The following PRKG1 variants were observed in gnomAD, a reference collection of about 807,000 sequenced individuals.
PRKG1 encodes protein kinase cGMP-dependent 1, also known as cGMP-dependent protein kinase 1.
In PRKG1, 35 loss-of-function variants were observed where a neutral mutation model predicts 88.1. The ratio of observed to expected loss-of-function variants is 0.40; its 90% CI spans 0.30 to 0.53. PRKG1 has a LOEUF of 0.53. Ranked by LOEUF, PRKG1 falls within the 20% of genes least tolerant of loss-of-function variation. The probability of loss-of-function intolerance (pLI) is 0.59; values close to 1 mark genes in which losing one functional copy is unlikely to be tolerated. For synonymous variants in PRKG1, 303 were observed against 292.5 expected, an observed-to-expected ratio of 1.04 and a Z score of -0.37; for missense variants, 540 against 839.8, an observed-to-expected ratio of 0.64 and a Z score of 4.41.
chr10:51,607,673 G>A lies in PRKG1; in HGVS notation c.592+139837G>A, dbSNP rs1838802606. Among the ~76,000 whole-genome samples the A allele has an allele frequency of 2.0e-5, 3 of 152,316 alleles. No homozygotes were observed. The South Asian group carries it at 6.2e-4, about 32-fold the overall frequency. On this transcript the variant is annotated intron_variant, in intron 3 of 17. Transcript: ENST00000373980. ...AGTTGGATCCCTCCCCGCTGCCCAGGAGGTAGAAGGAAGAAAAGAGATAAG... is the reference window on the plus strand; with the variant it reads ...AGTTGGATCCCTCCCCGCTGCCCAGAAGGTAGAAGGAAGAAAAGAGATAAG...
At chr10:52,164,007 C>T (rs1203551035) in intron 9 of PRKG1, among the ~76,000 whole-genome samples, 16 of 152,124 alleles carry the variant, frequency 1.1e-4, no homozygotes, top group Admixed American at 7.9e-4. Flanking sequence ...TTTAAAATGG[C>T]GTTTTTGAGA....
intron 3 of PRKG1, among the ~76,000 whole-genome samples, chr10:51,485,065 T>A (rs1840489764): frequency 6.6e-6 from 1 of 152,188 alleles, no homozygotes; most frequent in South Asian, 2.1e-4. Context: ...GGCCAGAAGT[T>A]TTTTTCAACA....
At position 52,127,682 on chromosome 10, in the gene PRKG1, T is replaced by C. The variant is rs942042610; in HGVS notation, c.936-6158T>C. Among the ~76,000 whole-genome samples the C allele has an allele frequency of 4.6e-5, 7 of 152,300 alleles. No individual in the cohort carries two copies. The East Asian group carries it at 1.2e-3, about 25-fold the overall frequency. ...TCAGAGGGTCCTAAAGTGATGATGA[T>C]CGTGATGATGACCATGATCATGATG... On this transcript the variant is annotated intron_variant, in intron 7 of 17. Coordinates refer to ENST00000373980, the MANE Select transcript of PRKG1 (RefSeq NM_006258.4).
intron 3 of PRKG1, among the ~76,000 whole-genome samples, chr10:51,606,391 T>C (rs1223285169): frequency 6.6e-6 from 1 of 152,184 alleles, no homozygotes; most frequent in Non-Finnish European, 1.5e-5. Context: ...CAGCCATCAC[T>C]GTTTTTAGGT....
chr10:51,604,329 T>C (rs892743464), intron 3 of PRKG1, among the ~76,000 whole-genome samples: 4 of 152,240 alleles, frequency 2.6e-5, no homozygotes, highest in Non-Finnish European at 5.9e-5. Flanking sequence ...AGAATGATTG[T>C]TGTTTTGCCT....
At chr10:51,122,792 C>T (rs1197493078) in intron 1 of PRKG1, among the ~76,000 whole-genome samples, 2 of 152,210 alleles carry the variant, frequency 1.3e-5, no homozygotes, top group Non-Finnish European at 2.9e-5. Context: ...AAACCACCTA[C>T]TTCAGATCGT....
chr10:51,250,225 A>C (rs1245271142), intron 2 of PRKG1, among the ~76,000 whole-genome samples: 1 of 151,884 alleles, frequency 6.6e-6, no homozygotes, highest in Non-Finnish European at 1.5e-5. Context: ...TTGGCAAGAA[A>C]ATGAATATTT....
At chr10:51,754,945 G>A (rs952979304) in intron 3 of PRKG1, among the ~76,000 whole-genome samples, 1 of 150,570 alleles carries the variant, frequency 6.6e-6, no homozygotes, top group Non-Finnish European at 1.5e-5. Flanking sequence ...TGTCAACTAT[G>A]AGGCAATTCA....
chr10:51,371,905 A>G (rs1842713276), intron 2 of PRKG1, among the ~76,000 whole-genome samples: 1 of 152,142 alleles, frequency 6.6e-6, no homozygotes, highest in Non-Finnish European at 1.5e-5. Context: ...CTAACAAGCT[A>G]CCACTGAAAA....
chr10:51,950,300 T>C (rs1176001335), intron 5 of PRKG1, among the ~76,000 whole-genome samples: 1 of 152,198 alleles, frequency 6.6e-6, no homozygotes, highest in Non-Finnish European at 1.5e-5. Context: ...TATCTCTTAG[T>C]GATTAATATA....
chr10:51,883,536 A>T (rs1333985449), intron 4 of PRKG1, among the ~76,000 whole-genome samples: 1 of 152,236 alleles, frequency 6.6e-6, no homozygotes, highest in Non-Finnish European at 1.5e-5. Flanking sequence ...ATTTACCCAT[A>T]GGTTAAGAAA....
At chr10:52,069,106 A>G (rs72803122) in intron 7 of PRKG1, among the ~76,000 whole-genome samples, 26,193 of 152,116 alleles carry the variant, frequency 0.17, 2,848 homozygotes, top group South Asian at 0.28. Flanking sequence ...TTGAATAGAC[A>G]TTAATATTAG....
intron 3 of PRKG1, among the ~76,000 whole-genome samples, chr10:51,585,277 C>A (rs563690645): frequency 6.6e-6 from 1 of 152,094 alleles, no homozygotes; most frequent in African/African-American, 2.4e-5. Flanking sequence ...AAGGTAGGAT[C>A]ATGCTCCTTT....
rs555416660 is a variant in PRKG1, at chr10:51,038,242, T to A, written c.266+46598T>A. ...TTATGAGTTGGATGAGATACGTTGA[T>A]ACAAGCATGCAATGCATAATAATCA... is the stretch of plus-strand genomic sequence containing the variant. On this transcript the variant is annotated intron_variant, in intron 1 of 17. Coordinates refer to the PRKG1 transcript ENST00000401604. Among the ~76,000 whole-genome samples, 106 of 152,360 alleles carry A rather than the reference T, an allele frequency of 7.0e-4. 2 individuals carry two copies. The highest frequency in any genetic ancestry group is 4.6e-3 in the South Asian group (22 of 4,828).
At chr10:51,437,337 C>G (rs753147412) in intron 2 of PRKG1, among the ~76,000 whole-genome samples, 30 of 152,074 alleles carry the variant, frequency 2.0e-4, no homozygotes, top group Non-Finnish European at 3.8e-4. Flanking sequence ...GGTCATTAAC[C>G]AGGCTCAAAT....
chr10:51,153,154 C>T lies in PRKG1; in HGVS notation c.312-10C>T. Reference sequence around the variant, plus strand: ...AGATGTGCCAGTAAATCTTCCCTCTCTTGCCATAGGTCCAAGGATCTTATA... The same window carrying T: ...AGATGTGCCAGTAAATCTTCCCTCTTTTGCCATAGGTCCAAGGATCTTATA... On this transcript the variant is annotated splice_polypyrimidine_tract_variant and intron_variant, in intron 1 of 17. Coordinates refer to ENST00000373980, the MANE Select transcript of PRKG1 (RefSeq NM_006258.4). 1 of 1,607,754 alleles carries T rather than the reference C, an allele frequency of 6.2e-7. No homozygotes were observed. Among genetic ancestry groups the T allele is most frequent in the Non-Finnish European group, 8.5e-7 (1 of 1,176,544 alleles).
At chr10:51,069,750 A>T (rs1843799963), upstream of PRKG1, among the ~76,000 whole-genome samples, 1 of 152,116 alleles carries the variant, frequency 6.6e-6, no homozygotes, top group Admixed American at 6.5e-5. Flanking sequence ...ATTTGAAAAT[A>T]TTTATAAACT....
chr10:51,999,481 A>C (rs1589501899), intron 5 of PRKG1, among the ~76,000 whole-genome samples: 1 of 152,192 alleles, frequency 6.6e-6, no homozygotes, highest in East Asian at 1.9e-4. Context: ...ACTTGGATTA[A>C]ATTTAAAATA....
chr10:51,718,924 A>T (rs114687345), intron 3 of PRKG1, among the ~76,000 whole-genome samples: 12,437 of 152,156 alleles, frequency 0.082, 549 homozygotes, highest in South Asian at 0.091. Flanking sequence ...AAGCAGGAGA[A>T]TGGCCTGAGG....
Sources: gnomAD v4.1 joint callset for allele counts (sites outside exome capture counted in the v4.1 genomes callset) on GRCh38, gnomAD v4.1.1 for gene constraint, MANE v1.5 for transcripts, NCBI Gene and HGNC (gene_info 2026-07-23, HGNC 2026-07-21) for gene names.